The following RIGI variants were observed in gnomAD, a reference collection of about 807,000 sequenced individuals.
RIGI encodes the protein RNA sensor RIG-I, also known as antiviral innate immune response receptor RIG-I.
the RIGI span, among the ~76,000 whole-genome samples, chr9:32,463,945 T>G: frequency 4.7e-5 from 5 of 106,990 alleles, no homozygotes. Context: ...TCCTCCAGAA[T>G]GAAACACCAC....
At chr9:32,476,709 T>C in the RIGI span, among the ~76,000 whole-genome samples, 1 of 151,596 alleles carries the variant, frequency 6.6e-6, no homozygotes, top group Non-Finnish European at 1.5e-5. Flanking sequence ...CAGAGTACGC[T>C]GTCATGATCA....
chr9:32,516,991 CAACA>C, the RIGI span, among the ~76,000 whole-genome samples: 1 of 152,328 alleles, frequency 6.6e-6, no homozygotes, highest in Middle Eastern at 3.4e-3. Context: ...AATTAGAATT[CAACA>C]AACAAATATT....
chr9:32,510,044 G>T, the RIGI span, among the ~76,000 whole-genome samples: 4 of 151,966 alleles, frequency 2.6e-5, no homozygotes, highest in African/African-American at 9.7e-5. Context: ...GAGAAAAAAA[G>T]AATGAAAAGG....
At chr9:32,493,696 G>T in the RIGI span, 1 of 1,089,702 alleles carries the variant, frequency 9.2e-7, no homozygotes, top group Non-Finnish European at 1.3e-6. Flanking sequence ...AAACAGTATA[G>T]AAAACAGAAG....
At chr9:32,490,919 G>T in the RIGI span, among the ~76,000 whole-genome samples, 1 of 152,156 alleles carries the variant, frequency 6.6e-6, no homozygotes, top group African/African-American at 2.4e-5. Context: ...GCAGCCCAGG[G>T]ATCCTAAAAG....
the RIGI span, among the ~76,000 whole-genome samples, chr9:32,491,734 A>C: frequency 7.3e-6 from 1 of 137,380 alleles, no homozygotes; most frequent in Non-Finnish European, 1.6e-5. Flanking sequence ...AAAAAAAAAA[A>C]GAGCATGATT....
chr9:32,501,767 TAGA>T, the RIGI span, among the ~76,000 whole-genome samples: 1 of 152,182 alleles, frequency 6.6e-6, no homozygotes, highest in Non-Finnish European at 1.5e-5. Context: ...TCTCATAGAT[TAGA>T]AGAAGACCTA....
the RIGI span, among the ~76,000 whole-genome samples, chr9:32,461,934 G>C: frequency 6.6e-6 from 1 of 152,148 alleles, no homozygotes; most frequent in East Asian, 1.9e-4. Flanking sequence ...TGGGGTGAAT[G>C]CACGTGTTTA....
the RIGI span, among the ~76,000 whole-genome samples, chr9:32,521,139 C>CAAAAAAAAAAAAAAAAAAAAAAAAAAA: frequency 4.9e-4 from 16 of 32,776 alleles, 4 homozygotes; most frequent in Non-Finnish European, 8.9e-4. Flanking sequence ...GACACCATCT[C>CAAAAAAAAAAAAAAAAAAAAAAAAAAA]AAAAAAAAAA....
the RIGI span, among the ~76,000 whole-genome samples, chr9:32,513,472 TG>T: frequency 6.6e-6 from 1 of 152,118 alleles, no homozygotes; most frequent in African/African-American, 2.4e-5. Flanking sequence ...AAAGAAGCAA[TG>T]GGGAAAGGAT....
At chr9:32,459,098 G>A in the RIGI span, among the ~76,000 whole-genome samples, 6 of 147,014 alleles carry the variant, frequency 4.1e-5, no homozygotes, top group African/African-American at 7.3e-5. Flanking sequence ...CATGTTGGCC[G>A]GGCTGGTCTC....
the RIGI span, among the ~76,000 whole-genome samples, chr9:32,462,705 G>A: frequency 4.6e-5 from 7 of 151,680 alleles, no homozygotes; most frequent in East Asian, 2.0e-4. Context: ...CACCACACCC[G>A]GCTTCCTTTC....
chr9:32,511,059 AC>A, the RIGI span, among the ~76,000 whole-genome samples: 1 of 152,230 alleles, frequency 6.6e-6, no homozygotes, highest in African/African-American at 2.4e-5. Context: ...ATACATATGC[AC>A]CCAATACAGG....
At chr9:32,511,716 A>T in the RIGI span, among the ~76,000 whole-genome samples, 1 of 152,226 alleles carries the variant, frequency 6.6e-6, no homozygotes, top group Non-Finnish European at 1.5e-5. Flanking sequence ...GCAAAAGACA[A>T]GAAATAACTA....
the RIGI span, among the ~76,000 whole-genome samples, chr9:32,493,432 T>C: frequency 6.6e-6 from 1 of 152,190 alleles, no homozygotes; most frequent in Non-Finnish European, 1.5e-5. Flanking sequence ...GAGACCAGCC[T>C]GACCAACATG....
chr9:32,524,433 C>A, the RIGI span, among the ~76,000 whole-genome samples: 1 of 152,110 alleles, frequency 6.6e-6, no homozygotes, highest in Non-Finnish European at 1.5e-5. Context: ...CACTAGAATG[C>A]CATTCCACAA....
the RIGI span, chr9:32,485,439 T>C: frequency 1.5e-6 from 1 of 652,758 alleles, no homozygotes; most frequent in Non-Finnish European, 2.7e-6. Context: ...GTGGTCCAGA[T>C]GATACAACAA....
the RIGI span, chr9:32,485,597 G>A: frequency 2.4e-6 from 1 of 412,318 alleles, no homozygotes; most frequent in Non-Finnish European, 4.6e-6. Flanking sequence ...CTGGAGTACA[G>A]TGGCGCGATC....
the RIGI span, chr9:32,472,908 T>C: frequency 7.9e-6 from 8 of 1,007,498 alleles, no homozygotes; most frequent in East Asian, 1.3e-4. Flanking sequence ...CACACACATA[T>C]ACATACACAC....
Sources: gnomAD v4.1 joint callset for allele counts (sites outside exome capture counted in the v4.1 genomes callset) on GRCh38, gnomAD v4.1.1 for gene constraint, MANE v1.5 for transcripts, NCBI Gene and HGNC (gene_info 2026-07-23, HGNC 2026-07-21) for gene names.